Variants in ANP32A observed in about 807,000 individuals in gnomAD.
ANP32A encodes the protein acidic nuclear phosphoprotein 32 family member A, also known as acidic leucine-rich nuclear phosphoprotein 32 family member A.
A neutral mutation model predicts 33.9 loss-of-function variants in ANP32A; 1 was observed. The ratio of observed to expected loss-of-function variants is 0.03; its 90% confidence interval spans 0.01 to 0.14. ANP32A has a LOEUF of 0.14. ANP32A is among the 10% of genes least tolerant of loss of function. The pLI is 1.00. For missense variants in ANP32A, 155 were observed against 306.0 expected, an observed-to-expected ratio of 0.51 and a Z score of 3.68; for synonymous variants, 115 against 120.5, an observed-to-expected ratio of 0.95 and a Z score of 0.30.
Position 68,792,191 on chromosome 15 carries a change from GTTAAAA to G in ANP32A, c.55-4278_55-4273del, listed in dbSNP as rs1894006270. 3 of 151,506 alleles carry G rather than the reference GTTAAAA, an allele frequency of 2.0e-5. No homozygotes were observed. In the South Asian group the frequency reaches 6.2e-4, roughly 31 times the overall value. The allele number at this position is 151,506 out of a possible 1,614,324, so 9.4% of individuals were successfully genotyped here. On this transcript the variant is annotated intron_variant, in intron 1 of 6. Transcript: ENST00000465139. ...GTCCTGGGTGTGAGTGAAGCGCAAA[GTTAAAA>G]TTAAACTGAAAATTTGTACTTTTGT...
intron 1 of ANP32A, among the ~76,000 whole-genome samples, chr15:68,788,910 C>G (rs1313818743): frequency 6.6e-6 from 1 of 152,156 alleles, no homozygotes; most frequent in African/African-American, 2.4e-5. Context: ...AAAAAGCCAC[C>G]CTCTCACAGG....
intron 1 of ANP32A, among the ~76,000 whole-genome samples, chr15:68,805,975 G>A (rs1894216003): frequency 6.6e-6 from 1 of 152,158 alleles, no homozygotes; most frequent in African/African-American, 2.4e-5. Flanking sequence ...CAATGTGTGT[G>A]GAATGAATGA....
intron 1 of ANP32A, among the ~76,000 whole-genome samples, chr15:68,800,694 AGATCCCGCCACTGC>A (rs1894120718): frequency 6.2e-4 from 2 of 3,222 alleles, no homozygotes; most frequent in East Asian, 5.4e-3. Flanking sequence ...CAGTGAGCCG[AGATCCCGCCACTGC>A]GCTCCAGCCT....
intron 1 of ANP32A, among the ~76,000 whole-genome samples, chr15:68,816,344 C>G (rs1894381553): frequency 6.6e-6 from 1 of 152,182 alleles, no homozygotes; most frequent in African/African-American, 2.4e-5. Flanking sequence ...CTGCCACTCA[C>G]TGGTCACATG....
chr15:68,794,379 A>G lies in ANP32A; in HGVS notation c.55-6460T>C, dbSNP rs1171198342. Among the ~76,000 whole-genome samples, 3 of 152,196 alleles carry G rather than the reference A, an allele frequency of 2.0e-5. No individual in the cohort carries two copies. In the East Asian group the frequency reaches 5.8e-4, roughly 29 times the overall value. On this transcript the variant is annotated intron_variant, in intron 1 of 6. Coordinates refer to ENST00000465139, the MANE Select transcript of ANP32A (RefSeq NM_006305.4). ...ATCCACACCTTGTTTTGTTTTTCAC[A>G]CTAACCCTGACCACCCTTGATTTTC...
intron 1 of ANP32A, among the ~76,000 whole-genome samples, chr15:68,806,621 G>A (rs560682432): frequency 6.6e-6 from 1 of 152,302 alleles, no homozygotes; most frequent in South Asian, 2.1e-4. Flanking sequence ...ACTAGACAAG[G>A]GCTAAAAAGA....
At chr15:68,820,218 G>A (rs1240913731) in intron 1 of ANP32A, among the ~76,000 whole-genome samples, 1 of 152,130 alleles carries the variant, frequency 6.6e-6, no homozygotes, top group East Asian at 1.9e-4. Context: ...GAGGGGGGAG[G>A]CGCGGGAGGG....
chr15:68,803,739 G>A (rs971144490), intron 1 of ANP32A, among the ~76,000 whole-genome samples: 3 of 151,384 alleles, frequency 2.0e-5, no homozygotes, highest in East Asian at 1.9e-4. Context: ...AAAAAAAATA[G>A]GACAAAAATC....
chr15:68,813,472 T>C (rs1039548371), intron 1 of ANP32A, among the ~76,000 whole-genome samples: 1 of 152,214 alleles, frequency 6.6e-6, no homozygotes, highest in Non-Finnish European at 1.5e-5. Context: ...AATGAAAACA[T>C]CATTGTTGGG....
chr15:68,811,466 G>A (rs1265911057), intron 1 of ANP32A, among the ~76,000 whole-genome samples: 1 of 152,162 alleles, frequency 6.6e-6, no homozygotes, highest in African/African-American at 2.4e-5. Context: ...GAAACCAGGA[G>A]GTTTCCATTT....
intron 5 of ANP32A, chr15:68,781,607 CTT>C (rs60622563): frequency 5.5e-4 from 78 of 141,254 alleles, no homozygotes; most frequent in Admixed American, 6.4e-4. Flanking sequence ...ATCTGGCCAG[CTT>C]TTTTTTTTTT....
chr15:68,810,455 T>A (rs755065143), intron 1 of ANP32A, among the ~76,000 whole-genome samples: 4 of 152,064 alleles, frequency 2.6e-5, no homozygotes, highest in Non-Finnish European at 5.9e-5. Context: ...ACAGAGGACA[T>A]GGGTTCCCTT....
In ANP32A at chr15:68,781,971, C is replaced by T. The variant is rs116198775; in HGVS notation, c.624+985G>A. 6.0e-3 allele frequency among the ~76,000 whole-genome samples: 908 copies of T among 152,290 alleles called. 13 individuals carry two copies. Among genetic ancestry groups the T allele is most frequent in the African/African-American group, 0.021 (860 of 41,556 alleles). ...GCCGGCTGGCTGGAACTGGAAGACACTATCTGAGTGAGTCCGTGTGGCAAG... is the reference window on the plus strand; with the variant it reads ...GCCGGCTGGCTGGAACTGGAAGACATTATCTGAGTGAGTCCGTGTGGCAAG... On this transcript the variant is annotated intron_variant, in intron 5 of 6. Coordinates refer to ENST00000465139, the MANE Select transcript of ANP32A (RefSeq NM_006305.4).
In ANP32A at chr15:68,787,634, G is replaced by A. The variant is rs1038354145; in HGVS notation, c.205-99C>T. On this transcript the variant is annotated intron_variant, in intron 2 of 6. Transcript: ENST00000465139. ...TTCCCCAGACGGGCAAGAAGGGAAA[G>A]CAGTCTCAGGCAATTGTCTGGCATG... 4.4e-6 allele frequency: 7 copies of A among 1,597,176 alleles called. No homozygotes were observed. The African/African-American group carries it at 9.4e-5, about 22-fold the overall frequency.
intron 1 of ANP32A, chr15:68,818,076 G>A (rs1894412438): frequency 6.6e-6 from 1 of 152,454 alleles, no homozygotes. Context: ...AAAACACCTG[G>A]AACTCAAAAC....
At chr15:68,805,142 C>T (rs1040336390) in intron 1 of ANP32A, among the ~76,000 whole-genome samples, 1 of 152,182 alleles carries the variant, frequency 6.6e-6, no homozygotes, top group Non-Finnish European at 1.5e-5. Flanking sequence ...TCTCTCCAGC[C>T]CCCATTCAAA....
chr15:68,787,425 T>C lies in ANP32A; in HGVS notation c.315A>G (p.Thr105=). 1 of 1,614,202 alleles carries C rather than the reference T, an allele frequency of 6.2e-7. No homozygotes were observed. Among genetic ancestry groups the C allele is most frequent in the Non-Finnish European group, 8.5e-7 (1 of 1,180,008 alleles). The change falls in exon 3 of 7, where the codon ACA becomes ACG. Residue 105 remains threonine (T), a synonymous_variant. Coordinates refer to ENST00000465139, the MANE Select transcript of ANP32A (RefSeq NM_006305.4). ...CCGAATGACTTACCAGTGGCTCTAT[T>C]GTGCTGAGGTCTTTAATTTTGTTGC... ...LSGNKIKDLS[T]IEPLKKLENL...
chr15:68,805,068 A>G (rs1043825768), intron 1 of ANP32A, among the ~76,000 whole-genome samples: 1 of 152,092 alleles, frequency 6.6e-6, no homozygotes, highest in Admixed American at 6.5e-5. Context: ...CTCTCTCCCT[A>G]AAATAAACCC....
chr15:68,819,860 A>C (rs1319246203), intron 1 of ANP32A, among the ~76,000 whole-genome samples: 1 of 152,036 alleles, frequency 6.6e-6, no homozygotes, highest in Admixed American at 6.5e-5. Context: ...CTTCTAATTT[A>C]TCCTCCCTTC....
Sources: gnomAD v4.1 joint callset for allele counts (sites outside exome capture counted in the v4.1 genomes callset) on GRCh38, gnomAD v4.1.1 for gene constraint, MANE v1.5 for transcripts, NCBI Gene and HGNC (gene_info 2026-07-23, HGNC 2026-07-21) for gene names.